Variants in MAPK4 observed in about 807,000 individuals in gnomAD.
MAPK4 encodes mitogen-activated protein kinase 4, also known as Erk3-related.
In MAPK4, 22 loss-of-function variants were observed where a neutral mutation model predicts 47.7. The observed-to-expected ratio is 0.46, with a 90% CI of 0.33 to 0.66. MAPK4 has a LOEUF of 0.66. Ranked by LOEUF, MAPK4 falls within the 30% of genes least tolerant of loss-of-function variation. MAPK4 has a pLI of 0.02. For synonymous variants in MAPK4, 390 were observed against 365.7 expected, an observed-to-expected ratio of 1.07 and a Z score of -0.76; for missense variants, 736 against 831.7, an observed-to-expected ratio of 0.88 and a Z score of 1.42.
At chr18:50,661,853 A>C (rs2043175502) in intron 1 of MAPK4, among the ~76,000 whole-genome samples, 1 of 152,244 alleles carries the variant, frequency 6.6e-6, no homozygotes, top group Non-Finnish European at 1.5e-5. Flanking sequence ...CTGACAAATT[A>C]TCAGAATCTT....
intron 2 of MAPK4, among the ~76,000 whole-genome samples, chr18:50,682,931 T>C (rs146562839): frequency 0.014 from 2,145 of 152,356 alleles, 25 homozygotes; most frequent in Non-Finnish European, 0.021. Context: ...ACTACAGATG[T>C]ATCTCAGGAG....
chr18:50,583,965 T>C (rs1390394983), intron 1 of MAPK4, among the ~76,000 whole-genome samples: 1 of 152,136 alleles, frequency 6.6e-6, no homozygotes, highest in Non-Finnish European at 1.5e-5. Context: ...CAGCAGTGAA[T>C]TGGGGGCATA....
intron 2 of MAPK4, among the ~76,000 whole-genome samples, chr18:50,713,781 G>T (rs1910496279): frequency 6.6e-6 from 1 of 152,184 alleles, no homozygotes; most frequent in Non-Finnish European, 1.5e-5. Flanking sequence ...AGAAGAAGAG[G>T]GCACATTCTA....
At chr18:50,696,502 G>A (rs1215820216) in intron 2 of MAPK4, among the ~76,000 whole-genome samples, 2 of 152,194 alleles carry the variant, frequency 1.3e-5, no homozygotes, top group African/African-American at 4.8e-5. Flanking sequence ...TGAGTAGCAA[G>A]TAGCGTGGGC....
At chr18:50,700,590 G>C (rs1415229428) in intron 2 of MAPK4, among the ~76,000 whole-genome samples, 2 of 152,204 alleles carry the variant, frequency 1.3e-5, no homozygotes, top group African/African-American at 4.8e-5. Flanking sequence ...CCAGGGTTGT[G>C]GAAAACTGTG....
At chr18:50,649,744 G>A (rs552925994) in intron 1 of MAPK4, among the ~76,000 whole-genome samples, 3 of 152,170 alleles carry the variant, frequency 2.0e-5, no homozygotes, top group African/African-American at 4.8e-5. Context: ...ATAAGCCTGC[G>A]GGGTGGCTGA....
At chr18:50,605,838 TGTCTCAGTCTG>T (rs1306865660) in intron 1 of MAPK4, among the ~76,000 whole-genome samples, 1 of 152,166 alleles carries the variant, frequency 6.6e-6, no homozygotes, top group Non-Finnish European at 1.5e-5. Flanking sequence ...CTCTGTCCCA[TGTCTCAGTCTG>T]GTCTCACTTC....
Position 50,663,991 on chromosome 18 carries a change from C to CT in MAPK4, c.34dup (p.Tyr12LeufsTer4). 6.2e-7 allele frequency: 1 copy of CT among 1,613,874 alleles called. No homozygotes were observed. The highest frequency in any genetic ancestry group is 8.5e-7 in the Non-Finnish European group (1 of 1,180,002). On this transcript the variant is annotated frameshift_variant, in exon 2 of 6. Transcript: ENST00000400384. LOFTEE classifies it high-confidence loss of function. The stretch of plus-strand genomic sequence containing the variant: ...AGAAGGGTGACTGCATCGCCAGTGT[C>CT]TATGGGTATGACCTCGGTGGGCGCT...
intron 2 of MAPK4, among the ~76,000 whole-genome samples, chr18:50,681,990 G>A (rs1278014381): frequency 6.6e-6 from 1 of 152,164 alleles, no homozygotes. Context: ...CATATTGTAG[G>A]ATGCCATTTA....
At chr18:50,713,963 G>A (rs948778896) in intron 2 of MAPK4, among the ~76,000 whole-genome samples, 5 of 152,124 alleles carry the variant, frequency 3.3e-5, no homozygotes, top group African/African-American at 1.2e-4. Flanking sequence ...CCTTTCCAAA[G>A]GTTTTAGACA....
chr18:50,627,036 C>T (rs1168821275), intron 1 of MAPK4, among the ~76,000 whole-genome samples: 1 of 134,608 alleles, frequency 7.4e-6, no homozygotes, highest in African/African-American at 2.8e-5. Context: ...CATTTTTGTC[C>T]CCCCTACCAC....
rs552084487 is a variant in MAPK4 at position 50,661,595 on chromosome 18, G to T, written c.-870-1494G>T. ...TTCAGGGGTGGAGGGGTGGATGTCA[G>T]TGGATGTGCTCTGGGCATTTGGGCA... On this transcript the variant is annotated intron_variant, in intron 1 of 5. Transcript: ENST00000400384. 2.1e-4 allele frequency among the ~76,000 whole-genome samples: 32 copies of T among 152,344 alleles called. No individual in the cohort carries two copies. The South Asian group carries it at 6.0e-3, about 29-fold the overall frequency.
chr18:50,626,774 C>T (rs932618728), intron 1 of MAPK4, among the ~76,000 whole-genome samples: 15 of 152,174 alleles, frequency 9.9e-5, no homozygotes, highest in African/African-American at 3.6e-4. Flanking sequence ...TTGTCCCACA[C>T]CCAAATCCTC....
At chr18:50,650,738 TGAAG>T (rs1199391494) in intron 1 of MAPK4, among the ~76,000 whole-genome samples, 9 of 152,294 alleles carry the variant, frequency 5.9e-5, no homozygotes. Flanking sequence ...TCTGTTGTAG[TGAAG>T]GGAGAGGATT....
intron 3 of MAPK4, among the ~76,000 whole-genome samples, chr18:50,720,786 C>T (rs1364514283): frequency 6.6e-6 from 1 of 152,126 alleles, no homozygotes; most frequent in East Asian, 1.9e-4. Context: ...CTGAACTGAC[C>T]CAATGAGTCC....
At chr18:50,652,208 C>T (rs62092188) in intron 1 of MAPK4, among the ~76,000 whole-genome samples, 20,578 of 152,194 alleles carry the variant, frequency 0.14, 1,550 homozygotes, top group East Asian at 0.2. Context: ...CTGACAGCCC[C>T]GTATGGTCCA....
rs761093842 is a variant in MAPK4, at chr18:50,664,376, A to G, written c.418A>G (p.Ile140Val). The G allele has an allele frequency of 1.2e-6, 2 of 1,614,038 alleles. No individual in the cohort carries two copies. Among genetic ancestry groups the G allele is most frequent in the Non-Finnish European group, 1.7e-6 (2 of 1,180,024 alleles). The stretch of plus-strand genomic sequence containing the variant: ...CCAGCTGCTCCGCGGGCTCAAGTAC[A>G]TCCACTCCGCCAACGTGCTGCACAG... The part of the protein sequence containing the change: ...MYQLLRGLKY[I>V]HSANVLHRDL... The change falls in exon 2 of 6, where the codon ATC becomes GTC. Residue 140 changes from isoleucine (I) to valine (V), a missense_variant. Physicochemically the swap from Ile to Val is conservative, Grantham distance 29. Transcript: ENST00000400384. This position sits in a 1 kb window ranked among gnomAD's most constrained non-coding sequence, Gnocchi z 6.0.
At chr18:50,680,599 C>G (rs775966502) in intron 2 of MAPK4, among the ~76,000 whole-genome samples, 7 of 152,062 alleles carry the variant, frequency 4.6e-5, no homozygotes, top group Non-Finnish European at 7.4e-5. Context: ...CCCTCATCCC[C>G]CAACCTTAGA....
intron 3 of MAPK4, among the ~76,000 whole-genome samples, chr18:50,719,579 T>C (rs1910824357): frequency 6.6e-6 from 1 of 152,070 alleles, no homozygotes; most frequent in Non-Finnish European, 1.5e-5. Flanking sequence ...TGGCTCAACA[T>C]CTCTGGCCCT....
Sources: gnomAD v4.1 joint callset for allele counts (sites outside exome capture counted in the v4.1 genomes callset) on GRCh38, gnomAD v4.1.1 for gene constraint, Gnocchi (gnomAD v3.1) non-coding constraint, MANE v1.5 for transcripts, NCBI Gene and HGNC (gene_info 2026-07-23, HGNC 2026-07-21) for gene names.